MAGI2: variants seen among roughly 807,000 people sequenced by gnomAD.
MAGI2 encodes membrane-associated guanylate kinase, WW and PDZ domain-containing protein 2.
Under a neutral mutation model 133.3 loss-of-function variants are expected in MAGI2, and 35 were observed. That is an observed-to-expected ratio of 0.26 (90% CI 0.20 to 0.35). The LOEUF is 0.35. MAGI2 is among the 10% of genes least tolerant of loss of function. MAGI2 has a pLI of 1.00. For missense variants in MAGI2, 1,636 were observed against 1,863.4 expected (o/e 0.88, Z 2.25); for synonymous variants, 729 against 710.6 (o/e 1.03, Z -0.41).
At chr7:78,183,221 A>G (rs1446586406) in intron 13 of MAGI2, among the ~76,000 whole-genome samples, 1 of 152,150 alleles carries the variant, frequency 6.6e-6, no homozygotes, top group Non-Finnish European at 1.5e-5. Flanking sequence ...AAATGTGACA[A>G]AAAACATGGG....
chr7:79,377,801 C>CA lies in MAGI2; in HGVS notation c.301+75218dup, dbSNP rs574459579. 2.4e-3 allele frequency among the ~76,000 whole-genome samples: 365 copies of CA among 151,720 alleles called. 1 individual carries two copies. The highest frequency in any genetic ancestry group is 8.1e-3 in the African/African-American group (335 of 41,446). On this transcript the variant is annotated intron_variant, in intron 1 of 21. Transcript: ENST00000354212. ...AAGTAGGAGATAACGGACACACCAA[C>CA]AAAAAACTACAGGAGGAATAGCTTT...
chr7:79,016,877 G>A (rs1193109663), intron 1 of MAGI2, among the ~76,000 whole-genome samples: 20 of 152,206 alleles, frequency 1.3e-4, no homozygotes, highest in Admixed American at 9.8e-4. Context: ...TGCCATCTAC[G>A]TTAATGCATG....
chr7:78,210,453 T>C (rs536575301), intron 10 of MAGI2, among the ~76,000 whole-genome samples: 1 of 152,256 alleles, frequency 6.6e-6, no homozygotes, highest in East Asian at 1.9e-4. Flanking sequence ...TATGATGGTG[T>C]TGTTGGCTGA....
intron 1 of MAGI2, among the ~76,000 whole-genome samples, chr7:79,387,552 A>C (rs1844282322): frequency 6.6e-6 from 1 of 152,030 alleles, no homozygotes; most frequent in African/African-American, 2.4e-5. Flanking sequence ...ACTCCTGTTT[A>C]TACTTCTGCA....
At chr7:78,568,502 A>C (rs1801173122) in intron 3 of MAGI2, 1 of 152,122 alleles carries the variant, frequency 6.6e-6, no homozygotes, top group South Asian at 2.1e-4. Context: ...TCAAGCCCCA[A>C]ATCTTGGAGT....
At chr7:78,027,114 G>T (rs1358087694) in intron 21 of MAGI2, among the ~76,000 whole-genome samples, 20 of 152,162 alleles carry the variant, frequency 1.3e-4, no homozygotes, top group Non-Finnish European at 1.5e-5. Context: ...TACAAACTCA[G>T]CTGAAACACT....
At chr7:78,380,742 T>G (rs1794849194) in intron 6 of MAGI2, among the ~76,000 whole-genome samples, 1 of 152,088 alleles carries the variant, frequency 6.6e-6, no homozygotes, top group South Asian at 2.1e-4. Context: ...CAAAAGAATA[T>G]AATTAAAATG....
At chr7:79,273,921 C>CACA (rs921759776) in intron 1 of MAGI2, among the ~76,000 whole-genome samples, 14 of 151,962 alleles carry the variant, frequency 9.2e-5, no homozygotes, top group South Asian at 4.2e-4. Context: ...TAAAACAAAA[C>CACA]ACAACAACAA....
chr7:79,015,305 TA>T (rs1320225034), intron 1 of MAGI2, among the ~76,000 whole-genome samples: 4 of 148,896 alleles, frequency 2.7e-5, no homozygotes, highest in South Asian at 2.2e-4. Context: ...AATGAAAAAT[TA>T]AAAAAAAATT....
At chr7:78,177,641 T>G (rs76158719) in intron 14 of MAGI2, among the ~76,000 whole-genome samples, 17,613 of 152,206 alleles carry the variant, frequency 0.12, 1,318 homozygotes, top group Non-Finnish European at 0.15. Flanking sequence ...TTTGCTGTTT[T>G]GGTTAAAAAC....
At position 79,053,118 on chromosome 7, in the gene MAGI2, G is replaced by A. The variant is rs374699825; in HGVS notation, c.302-45912C>T. ...CTCCCGAGTAGCTGGGACTACAGAC[G>A]CCCACCACCACGCCCGGCTAATTTT... On this transcript the variant is annotated intron_variant, in intron 1 of 21. Coordinates refer to ENST00000354212, the MANE Select transcript of MAGI2 (RefSeq NM_012301.4). 1.0e-3 allele frequency among the ~76,000 whole-genome samples: 155 copies of A among 152,032 alleles called. 3 individuals are homozygous for A. The Middle Eastern group carries it at 0.01, about 10-fold the overall frequency.
intron 2 of MAGI2, among the ~76,000 whole-genome samples, chr7:78,766,519 G>A (rs1237417746): frequency 1.3e-5 from 2 of 152,114 alleles, no homozygotes; most frequent in Non-Finnish European, 2.9e-5. Context: ...TTAAGCTTGT[G>A]TCTTCTCCTC....
chr7:78,821,830 T>A (rs1220404492), intron 2 of MAGI2, among the ~76,000 whole-genome samples: 1 of 152,052 alleles, frequency 6.6e-6, no homozygotes, highest in Non-Finnish European at 1.5e-5. Flanking sequence ...TTTAAAGTGT[T>A]CATCTGACAA....
At chr7:79,295,874 T>G (rs1423263936) in intron 1 of MAGI2, among the ~76,000 whole-genome samples, 1 of 152,190 alleles carries the variant, frequency 6.6e-6, no homozygotes, top group Non-Finnish European at 1.5e-5. Flanking sequence ...AATTAAATTG[T>G]GACAAATTAT....
At chr7:78,154,137 G>T (rs1824157116) in intron 16 of MAGI2, among the ~76,000 whole-genome samples, 1 of 152,182 alleles carries the variant, frequency 6.6e-6, no homozygotes, top group Non-Finnish European at 1.5e-5. Flanking sequence ...TGTCATAAAA[G>T]ACCTGTTAGT....
At chr7:78,780,889 G>A (rs1223092808) in intron 2 of MAGI2, among the ~76,000 whole-genome samples, 1 of 152,182 alleles carries the variant, frequency 6.6e-6, no homozygotes, top group Admixed American at 6.5e-5. Context: ...AAAGTAAGAT[G>A]ACTGAAAAGT....
In MAGI2 at chr7:78,680,374, G is replaced by A. The variant is rs550322543; in HGVS notation, c.419-53135C>T. 1.1e-3 allele frequency among the ~76,000 whole-genome samples: 172 copies of A among 152,132 alleles called. 1 individual carries two copies. Among genetic ancestry groups the A allele is most frequent in the Non-Finnish European group, 1.9e-3 (128 of 68,014 alleles). ...ACTAATTGAATGCTAGGGTTCCTTAGGGGAAGTACCTAATAAATGTGGTTA... is the reference window on the plus strand; with the variant it reads ...ACTAATTGAATGCTAGGGTTCCTTAAGGGAAGTACCTAATAAATGTGGTTA... On this transcript the variant is annotated intron_variant, in intron 2 of 21. Transcript: ENST00000354212.
At position 78,627,348 on chromosome 7, in the gene MAGI2, T is replaced by A. The variant is rs1384764493; in HGVS notation, c.419-109A>T. 5.7e-6 allele frequency: 6 copies of A among 1,051,110 alleles called. No individual in the cohort carries two copies. In the South Asian group the frequency reaches 1.1e-4, roughly 19 times the overall value. The allele number at this position is 1,051,110 out of a possible 1,614,324, so 65.1% of individuals were successfully genotyped here. ...TTCAGTGCCACTTGTTTGTACATCC[T>A]GCAAGTTGGCAGTTTGCATTTGTCC... On this transcript the variant is annotated intron_variant, in intron 2 of 21. Transcript: ENST00000354212.
At chr7:79,272,966 C>G (rs1178289071) in intron 1 of MAGI2, among the ~76,000 whole-genome samples, 1 of 152,110 alleles carries the variant, frequency 6.6e-6, no homozygotes, top group Non-Finnish European at 1.5e-5. Flanking sequence ...TAGCCTAGCT[C>G]TATTCCTACA....
Sources: gnomAD v4.1 joint callset for allele counts (sites outside exome capture counted in the v4.1 genomes callset) on GRCh38, gnomAD v4.1.1 for gene constraint, MANE v1.5 for transcripts, NCBI Gene and HGNC (gene_info 2026-07-23, HGNC 2026-07-21) for gene names.